The following RIMS2 variants were observed in gnomAD, a reference collection of about 807,000 sequenced individuals.
RIMS2 encodes the protein regulating synaptic membrane exocytosis 2.
RIMS2 carries 59 observed loss-of-function variants against 174.4 expected under a neutral mutation model. The ratio of observed to expected loss-of-function variants is 0.34; its 90% CI spans 0.27 to 0.42. The LOEUF is 0.42. Ranked by LOEUF, RIMS2 falls within the 10% of genes least tolerant of loss-of-function variation. The pLI is 1.00. For synonymous variants in RIMS2, 606 were observed against 572.5 expected (o/e 1.06, Z -0.84); for missense variants, 1,620 against 1,666.3 (o/e 0.97, Z 0.48).
chr8:103,810,541 T>C (rs534082683), intron 3 of RIMS2, among the ~76,000 whole-genome samples: 2 of 152,274 alleles, frequency 1.3e-5, no homozygotes, highest in South Asian at 4.1e-4. Flanking sequence ...TTTATTGTTA[T>C]ACCTTTATGT....
chr8:103,597,528 C>A (rs1003452704), intron 1 of RIMS2, among the ~76,000 whole-genome samples: 1 of 152,112 alleles, frequency 6.6e-6, no homozygotes, highest in Non-Finnish European at 1.5e-5. Flanking sequence ...AGGTCCCACA[C>A]CTCCTGCCTC....
At chr8:104,125,678 A>G (rs1388281622) in intron 19 of RIMS2, among the ~76,000 whole-genome samples, 2 of 152,168 alleles carry the variant, frequency 1.3e-5, no homozygotes, top group Non-Finnish European at 2.9e-5. Flanking sequence ...ACCAACTTAT[A>G]CCATGATATT....
At chr8:103,888,200 G>T (rs2099217788) in intron 4 of RIMS2, among the ~76,000 whole-genome samples, 1 of 151,436 alleles carries the variant, frequency 6.6e-6, no homozygotes, top group Admixed American at 6.6e-5. Flanking sequence ...CAATCCAAGT[G>T]GGGAGAGATA....
intron 19 of RIMS2, among the ~76,000 whole-genome samples, chr8:104,232,058 A>G (rs941232822): frequency 4.6e-5 from 7 of 152,240 alleles, no homozygotes; most frequent in Admixed American, 3.3e-4. Flanking sequence ...TTATTTGTGT[A>G]CTATCTTACC....
chr8:103,745,380 A>C (rs1392610167), intron 2 of RIMS2, among the ~76,000 whole-genome samples: 1 of 152,014 alleles, frequency 6.6e-6, no homozygotes, highest in African/African-American at 2.4e-5. Context: ...ATCGAAAGAC[A>C]CTTTTGTTGT....
At chr8:104,160,271 C>T (rs2098753244) in intron 19 of RIMS2, among the ~76,000 whole-genome samples, 2 of 152,064 alleles carry the variant, frequency 1.3e-5, no homozygotes, top group Admixed American at 1.3e-4. Flanking sequence ...ATCTCTGGTA[C>T]CTAAGATAAT....
intron 17 of RIMS2, among the ~76,000 whole-genome samples, chr8:104,008,231 C>T (rs1474725748): frequency 6.6e-6 from 1 of 152,026 alleles, no homozygotes; most frequent in South Asian, 2.1e-4. Flanking sequence ...TTATTAAATT[C>T]AAACATTCAC....
At chr8:103,905,590 A>G (rs1041369848) in intron 4 of RIMS2, among the ~76,000 whole-genome samples, 10 of 151,020 alleles carry the variant, frequency 6.6e-5, no homozygotes, top group African/African-American at 2.2e-4. Context: ...AGGGTTTTAC[A>G]TAGTTTTTCA....
At chr8:103,782,643 A>C (rs2098402816) in intron 3 of RIMS2, among the ~76,000 whole-genome samples, 1 of 152,164 alleles carries the variant, frequency 6.6e-6, no homozygotes, top group Non-Finnish European at 1.5e-5. Context: ...TTTAGTTTCT[A>C]ATTCATTAGC....
chr8:104,196,542 G>C (rs1448867760), intron 19 of RIMS2, among the ~76,000 whole-genome samples: 2 of 152,118 alleles, frequency 1.3e-5, no homozygotes, highest in East Asian at 3.9e-4. Flanking sequence ...AAACTAAGAA[G>C]TAATTATGAA....
intron 1 of RIMS2, among the ~76,000 whole-genome samples, chr8:103,572,043 C>T (rs1420232789): frequency 6.6e-6 from 1 of 152,140 alleles, no homozygotes; most frequent in East Asian, 1.9e-4. Context: ...CACGGACCCT[C>T]GCAGTGAGTG....
At chr8:104,136,445 T>C (rs187509624) in intron 19 of RIMS2, among the ~76,000 whole-genome samples, 495 of 152,320 alleles carry the variant, frequency 3.2e-3, no homozygotes, top group Non-Finnish European at 5.4e-3. Context: ...GGATTGTGTA[T>C]AGCATTTCAT....
At chr8:103,736,963 GA>G (rs2097692492) in intron 2 of RIMS2, among the ~76,000 whole-genome samples, 1 of 152,034 alleles carries the variant, frequency 6.6e-6, no homozygotes, top group Admixed American at 6.6e-5. Flanking sequence ...TTCCAAGAGT[GA>G]GAGAATAGAA....
chr8:104,190,019 C>T (rs2098989547), intron 19 of RIMS2, among the ~76,000 whole-genome samples: 1 of 151,960 alleles, frequency 6.6e-6, no homozygotes, highest in Admixed American at 6.6e-5. Flanking sequence ...GTGACAGACA[C>T]ATATTACAGC....
At chr8:104,155,264 G>T (rs1397328979) in intron 19 of RIMS2, among the ~76,000 whole-genome samples, 5 of 151,212 alleles carry the variant, frequency 3.3e-5, no homozygotes, top group Non-Finnish European at 5.9e-5. Context: ...CCGCCACCAC[G>T]CCTGGCTAAT....
chr8:103,513,778 T>C (rs1397637922), intron 1 of RIMS2, among the ~76,000 whole-genome samples: 2 of 152,200 alleles, frequency 1.3e-5, no homozygotes, highest in Non-Finnish European at 2.9e-5. Context: ...TCATAGTGGC[T>C]GTTGATGTGA....
At chr8:103,714,360 G>T (rs1017626514) in intron 2 of RIMS2, among the ~76,000 whole-genome samples, 5 of 152,160 alleles carry the variant, frequency 3.3e-5, no homozygotes, top group Admixed American at 2.0e-4. Flanking sequence ...TATACAGACA[G>T]AATTTAATTG....
At chr8:104,128,263 G>A (rs1364622973) in intron 19 of RIMS2, among the ~76,000 whole-genome samples, 1 of 152,160 alleles carries the variant, frequency 6.6e-6, no homozygotes, top group Non-Finnish European at 1.5e-5. Flanking sequence ...TTTTGGGATG[G>A]TGGGGTATTT....
intron 19 of RIMS2, among the ~76,000 whole-genome samples, chr8:104,178,289 G>A (rs760591854): frequency 6.6e-6 from 1 of 152,030 alleles, no homozygotes; most frequent in Admixed American, 6.6e-5. Context: ...ACTAAAGTCC[G>A]CATCTCCTTG....
Sources: gnomAD v4.1 joint callset for allele counts (sites outside exome capture counted in the v4.1 genomes callset) on GRCh38, gnomAD v4.1.1 for gene constraint, MANE v1.5 for transcripts, NCBI Gene and HGNC (gene_info 2026-07-23, HGNC 2026-07-21) for gene names.